KCP: variants seen among roughly 807,000 people sequenced by gnomAD.
The protein encoded by KCP is kielin/chordin-like protein.
A neutral mutation model predicts 212.7 loss-of-function variants in KCP; 194 were observed. The ratio of observed to expected loss-of-function variants is 0.91; its 90% confidence interval spans 0.81 to 1.03. The LOEUF is 1.03. Ranked by LOEUF, KCP falls within the 50% of genes least tolerant of loss-of-function variation. The pLI, the probability that KCP is intolerant of heterozygous loss-of-function variation, is 0.00. For synonymous variants in KCP, 833 were observed against 865.3 expected, an observed-to-expected ratio of 0.96 and a Z score of 0.65; for missense variants, 2,080 against 2,162.5, an observed-to-expected ratio of 0.96 and a Z score of 0.76.
At position 128,904,147 on chromosome 7, in the gene KCP, G is replaced by C. The variant is rs1471797958; in HGVS notation, c.572-9C>G. 2 of 1,551,466 alleles carry C rather than the reference G, an allele frequency of 1.3e-6. No individual in the cohort carries two copies. The highest frequency in any genetic ancestry group is 2.0e-5 in the Admixed American group (1 of 50,984). On this transcript the variant is annotated splice_polypyrimidine_tract_variant and intron_variant, in intron 5 of 39. Coordinates refer to ENST00000610776, the MANE Select transcript of KCP (RefSeq NM_001366122.1). ...CCCCTCATAATCACAGCCTGGGAAGGTTGGCAGGATGACAAGTGGGTCACC... is the reference window on the plus strand; with the variant it reads ...CCCCTCATAATCACAGCCTGGGAAGCTTGGCAGGATGACAAGTGGGTCACC...
Position 128,908,251 on chromosome 7 carries a change from GAAGAAAGAAAGAAAGA to G in KCP, c.219+159_219+174del, listed in dbSNP as rs370653893. On this transcript the variant is annotated intron_variant, in intron 2 of 39. Transcript: ENST00000610776. ...AGGAAAGAAGAAAGGAAGAAAGAAA[GAAGAAAGAAAGAAAGA>G]AAGAAAGAAAGAAAGAAAGAAAGAA... 3.9e-3 allele frequency among the ~76,000 whole-genome samples: 396 copies of G among 101,274 alleles called. 9 individuals carry two copies. In the East Asian group the frequency reaches 0.041, roughly 10 times the overall value. The allele number at this position is 101,274 out of a possible 152,430, so 66.4% of individuals were successfully genotyped here.
At chr7:128,901,283 G>A (rs2128949651) in intron 8 of KCP, among the ~76,000 whole-genome samples, 1 of 152,256 alleles carries the variant, frequency 6.6e-6, no homozygotes, top group East Asian at 1.9e-4. Flanking sequence ...CAGCCCTCAG[G>A]GCTGCTCTGT....
At position 128,879,659 on chromosome 7, in the gene KCP, C is replaced by T. The variant is rs144854141; in HGVS notation, c.4045-36G>A. 3.5e-4 allele frequency: 539 copies of T among 1,549,282 alleles called. 3 individuals are homozygous for T. The East Asian group carries it at 0.012, about 35-fold the overall frequency. ...AAGGAGGTGGGAGGAGGGGTGATGT[C>T]GAGGCACATGGGTGGACAGCACAGG... On this transcript the variant is annotated intron_variant, in intron 36 of 39. Coordinates refer to ENST00000610776, the MANE Select transcript of KCP (RefSeq NM_001366122.1).
intron 8 of KCP, among the ~76,000 whole-genome samples, chr7:128,895,304 T>C (rs111846244): frequency 2.6e-4 from 39 of 152,322 alleles, no homozygotes; most frequent in African/African-American, 9.1e-4. Context: ...CATAGGCTTG[T>C]TGTGGGATGA....
At position 128,877,809 on chromosome 7, in the gene KCP, C is replaced by T. The variant is rs777301981; in HGVS notation, c.4312-19G>A. ...CTGAGACCTGGGTGGGGAGAGCAGCCCTGACGTGACAGCACCACTGGCAGC... is the reference window on the plus strand; with the variant it reads ...CTGAGACCTGGGTGGGGAGAGCAGCTCTGACGTGACAGCACCACTGGCAGC... On this transcript the variant is annotated intron_variant, in intron 38 of 39. Coordinates refer to ENST00000610776, the MANE Select transcript of KCP (RefSeq NM_001366122.1). The T allele has an allele frequency of 9.1e-5, 139 of 1,531,596 alleles. No homozygotes were observed. Among genetic ancestry groups the T allele is most frequent in the Non-Finnish European group, 1.2e-4 (134 of 1,135,508 alleles). 94.9% of individuals were successfully genotyped at this position (1,531,596 alleles called of 1,614,324 possible).
intron 28 of KCP, 77 bp downstream of exon 28, chr7:128,884,704 C>G (rs1425800683): frequency 1.5e-6 from 2 of 1,348,272 alleles, no homozygotes; most frequent in Non-Finnish European, 2.1e-6. Context: ...CAGTGACCAG[C>G]TTGGCTGGGC....
At position 128,881,950 on chromosome 7, in the gene KCP, G is replaced by A. The variant is rs943128613; in HGVS notation, c.3311C>T (p.Thr1104Met). The A allele has an allele frequency of 9.0e-6, 14 of 1,551,262 alleles. No individual in the cohort carries two copies. The highest frequency in any genetic ancestry group is 1.2e-5 in the South Asian group (1 of 84,048). The change falls in exon 30 of 40, where the codon ACG becomes ATG. Residue 1104 changes from threonine to methionine, a missense_variant. By Grantham distance (81) the Thr-to-Met change is moderately conservative. Transcript: ENST00000610776. ...AGGAGGGCTCACCTGGCACTGGCAC[G>A]TGTAGCAGGGGTCTGGTGGGGCTAG... Reference protein sequence around the residue: ...SELAPPDPCYTCQCQDLTWLC... With the variant: ...SELAPPDPCYMCQCQDLTWLC...
Position 128,880,395 on chromosome 7 carries a change from C to T in KCP, c.3750G>A (p.Ser1250=), listed in dbSNP as rs761471926. The T allele has an allele frequency of 1.4e-5, 21 of 1,535,028 alleles. No homozygotes were observed. Among genetic ancestry groups the T allele is most frequent in the South Asian group, 7.3e-5 (6 of 81,882 alleles). ...RCQSQRCSPL[S]CGPDKAPALS... is the part of the protein sequence containing the mutation. ...AGATTGCGGCACTCACGGGGCCACA[C>T]GAGAGCGGTGAGCAGCGCTGGCTCT... Residue 1250 remains serine (S), a synonymous_variant, in exon 34 of 40, where the codon TCG becomes TCA. Transcript: ENST00000610776.
chr7:128,891,273 G>T lies in KCP; in HGVS notation c.1884C>A (p.Gly628=), dbSNP rs1794109655. 1.3e-6 allele frequency: 2 copies of T among 1,547,128 alleles called. No homozygotes were observed. Among genetic ancestry groups the T allele is most frequent in the Admixed American group, 3.9e-5 (2 of 50,962 alleles). ...DPCRLCRCLS[G]NVQCLARRCV... ...AGCGGCGGGCCAGGCACTGCACGTT[G>T]CCGCTCTACGGACCGACAGACGCAC... Residue 628 remains glycine (G), a synonymous_variant, in exon 19 of 40, where the codon GGC becomes GGA. Transcript: ENST00000610776.
chr7:128,908,916 C>A (rs1349912292), intron 1 of KCP, among the ~76,000 whole-genome samples: 2 of 152,160 alleles, frequency 1.3e-5, no homozygotes, highest in African/African-American at 4.8e-5. Flanking sequence ...CGCCCCCAAC[C>A]CTGAGCACGG....
At chr7:128,888,327 AACACAC>A (rs760342030) in intron 22 of KCP, among the ~76,000 whole-genome samples, 3 of 106,664 alleles carry the variant, frequency 2.8e-5, no homozygotes, top group South Asian at 3.1e-4. Context: ...CACACAGAGC[AACACAC>A]ACACACACAC....
At chr7:128,896,933 A>G (rs2128948862) in intron 8 of KCP, among the ~76,000 whole-genome samples, 1 of 150,682 alleles carries the variant, frequency 6.6e-6, no homozygotes, top group Admixed American at 6.6e-5. Context: ...CTCTACCGAT[A>G]CACAGCCATC....
Position 128,891,636 on chromosome 7 carries a change from C to T in KCP, c.1795+10G>A, listed in dbSNP as rs919735336. On this transcript the variant is annotated intron_variant, in intron 17 of 39. Coordinates refer to ENST00000610776, the MANE Select transcript of KCP (RefSeq NM_001366122.1). ...CATCCCAGAAGGCCGCCCTGACCCG[C>T]CCACCTCACCGCTGCAGTCGTTCGG... 8.5e-5 allele frequency: 125 copies of T among 1,477,078 alleles called. No homozygotes were observed. Among genetic ancestry groups the T allele is most frequent in the Non-Finnish European group, 1.1e-4 (120 of 1,111,662 alleles). The allele number at this position is 1,477,078 out of a possible 1,614,324, so 91.5% of individuals were successfully genotyped here. A position where few individuals can be genotyped will look rare whatever the true frequency, so the allele number is the denominator to read the frequency against.
At chr7:128,887,140 G>T (rs778986948) in intron 23 of KCP, 75 bp downstream of exon 23, 6 of 1,325,668 alleles carry the variant, frequency 4.5e-6, no homozygotes, top group Non-Finnish European at 6.4e-6. Context: ...CTGAGTGGAG[G>T]AGACAGCCTC....
intron 26 of KCP, among the ~76,000 whole-genome samples, chr7:128,886,077 TTTTA>T (rs1382401289): frequency 2.0e-5 from 3 of 152,062 alleles, no homozygotes; most frequent in African/African-American, 7.2e-5. Flanking sequence ...CAGCTTTTTG[TTTTA>T]TTTTTTAGAC....
At position 128,890,470 on chromosome 7, in the gene KCP, G is replaced by A; in HGVS notation, c.2208C>T (p.Phe736=). ...QGKEFASGER[F]PSPTAACHLC... ...GGTGGCAGGCAGCAGTGGGCGATGG[G>A]AAGCGCTCCCCGCTGGCAAACTCCT... is the stretch of plus-strand genomic sequence containing the variant. Residue 736 remains phenylalanine, a synonymous_variant, in exon 21 of 40, where the codon TTC becomes TTT. Transcript: ENST00000610776. The A allele has an allele frequency of 6.4e-7, 1 of 1,550,800 alleles. No individual in the cohort carries two copies. Among genetic ancestry groups the A allele is most frequent in the Non-Finnish European group, 8.7e-7 (1 of 1,146,942 alleles).
At chr7:128,904,272 G>A in intron 5 of KCP, 134 bp from the exon 6 acceptor site, 1 of 1,551,964 alleles carries the variant, frequency 6.4e-7, no homozygotes, top group Non-Finnish European at 8.7e-7. Context: ...GCAGGACAGG[G>A]CAGGAGGTCA....
chr7:128,887,363 C>G, intron 22 of KCP, 63 bp from the exon 23 acceptor site: 1 of 1,216,664 alleles, frequency 8.2e-7, no homozygotes, highest in Non-Finnish European at 1.2e-6. Flanking sequence ...GTCACACACA[C>G]ACACAGCCCC....
Position 128,884,056 on chromosome 7 carries a change from G to C in KCP, c.3190C>G (p.Pro1064Ala), listed in dbSNP as rs767482955. The C allele has an allele frequency of 6.5e-7, 1 of 1,545,320 alleles. No homozygotes were observed. Among genetic ancestry groups the C allele is most frequent in the Non-Finnish European group, 8.7e-7 (1 of 1,145,254 alleles). ...RRQCPSLVGC[P>A]PSQLLPPGPQ... ...CCAGGGGGCAGGAGCTGGCTGGGGG[G>C]GCAGCCCACCAGGCTGGGACACTGC... The change falls in exon 29 of 40, where the codon CCC becomes GCC. Residue 1064 changes from proline (P) to alanine (A), a missense_variant. Physicochemically the swap from Pro to Ala is conservative, Grantham distance 27. Coordinates refer to ENST00000610776, the MANE Select transcript of KCP (RefSeq NM_001366122.1).
Sources: allele counts gnomAD v4.1 joint callset (sites outside exome capture counted in the v4.1 genomes callset), GRCh38; gene constraint gnomAD v4.1.1; transcripts MANE v1.5; gene names NCBI Gene and HGNC (gene_info 2026-07-23, HGNC 2026-07-21).